The following AGRN variants were observed in gnomAD, a reference collection of about 807,000 sequenced individuals.
AGRN encodes the protein agrin proteoglycan.
Under a neutral mutation model 211.0 loss-of-function variants are expected in AGRN, and 106 were observed. That is an observed-to-expected ratio of 0.50 (90% CI 0.43 to 0.59). The LOEUF is 0.59. AGRN is among the 20% of genes least tolerant of loss of function. AGRN has a pLI of 0.00. For synonymous variants in AGRN, 1,525 were observed against 1,332.5 expected (o/e 1.14, Z -3.15); for missense variants, 3,040 against 2,982.6 (o/e 1.02, Z -0.45).
chr1:1,047,285 CA>C (rs756257478), intron 19 of AGRN, 41 bp from the exon 20 acceptor site: 1 of 1,560,976 alleles, frequency 6.4e-7, no homozygotes, highest in Admixed American at 2.0e-5. Context: ...GCCTGGATGC[CA>C]GGCAGATGCC....
chr1:1,033,583 C>T (rs1162190216), intron 2 of AGRN, among the ~76,000 whole-genome samples: 1 of 148,888 alleles, frequency 6.7e-6, no homozygotes, highest in Non-Finnish European at 1.5e-5. Context: ...CCCACCGCTG[C>T]CCTCGACTCA....
chr1:1,046,497 C>G lies in AGRN; in HGVS notation c.3012C>G (p.Leu1004=), dbSNP rs749392554. 1 of 1,610,034 alleles carries G rather than the reference C, an allele frequency of 6.2e-7. No homozygotes were observed. The highest frequency in any genetic ancestry group is 8.5e-7 in the Non-Finnish European group (1 of 1,178,124). ...SQALPAPPGA[L]PLAPSSTAHS... is the part of the protein sequence containing the mutation. ...CACTGCCGGCCCCCCCCGGCGCCCT[C>G]CCCCTGGCTCCCAGCAGTACCGCAC... is the stretch of plus-strand genomic sequence containing the variant. The change falls in exon 18 of 36, where the codon CTC becomes CTG. Residue 1004 remains leucine (L), a synonymous_variant. Coordinates refer to ENST00000379370, the MANE Select transcript of AGRN (RefSeq NM_198576.4).
chr1:1,050,164 C>G, intron 27 of AGRN, 69 bp from the exon 28 acceptor site: 1 of 1,598,386 alleles, frequency 6.3e-7, no homozygotes, highest in African/African-American at 1.3e-5. Flanking sequence ...TTAGGATCCA[C>G]ACACGGCTGG....
chr1:1,028,235 CG>C (rs1436491137), intron 2 of AGRN, among the ~76,000 whole-genome samples: 1 of 151,752 alleles, frequency 6.6e-6, no homozygotes, highest in Non-Finnish European at 1.5e-5. Context: ...CGTCAGCTGC[CG>C]TGACCCCACA....
intron 2 of AGRN, among the ~76,000 whole-genome samples, chr1:1,028,108 C>T (rs1397442558): frequency 2.0e-5 from 3 of 152,122 alleles, no homozygotes; most frequent in Non-Finnish European, 2.9e-5. Context: ...GGCACCTCCA[C>T]GGGGCTTCCC....
intron 1 of AGRN, among the ~76,000 whole-genome samples, chr1:1,021,663 G>A (rs1002007003): frequency 1.3e-5 from 2 of 152,244 alleles, no homozygotes; most frequent in African/African-American, 2.4e-5. Flanking sequence ...AGAAGGTGGA[G>A]GGTGGGGCAC....
chr1:1,046,074 G>A lies in AGRN; in HGVS notation c.2791G>A (p.Ala931Thr), dbSNP rs1332038099. 2 of 1,614,032 alleles carry A rather than the reference G, an allele frequency of 1.2e-6. No individual in the cohort carries two copies. Among genetic ancestry groups the A allele is most frequent in the South Asian group, 1.1e-5 (1 of 91,088 alleles). The change falls in exon 16 of 36, where the codon GCC (alanine) becomes ACC (threonine). Residue 931 changes from alanine to threonine, a missense_variant. Transcript: ENST00000379370. Reference sequence around the variant, plus strand: ...CTGCCCGATGCTCACCTGTCCAGAGGCCAACGCTACCAAGGTGAGGGGTGT... The same window carrying A: ...CTGCCCGATGCTCACCTGTCCAGAGACCAACGCTACCAAGGTGAGGGGTGT... ...CVCPMLTCPE[A>T]NATKVCGSDG... is the part of the protein sequence containing the mutation.
At chr1:1,022,484 T>A (rs1644428283) in intron 2 of AGRN, 22 bp downstream of exon 2, 1 of 1,583,764 alleles carries the variant, frequency 6.3e-7, no homozygotes, top group South Asian at 1.1e-5. Flanking sequence ...GGGGCTCGTG[T>A]GGGGGCCTGT....
Position 1,043,725 on chromosome 1 carries a change from A to C in AGRN, c.1791A>C (p.Gly597=). 1 of 1,601,024 alleles carries C rather than the reference A, an allele frequency of 6.2e-7. No homozygotes were observed. The highest frequency in any genetic ancestry group is 8.5e-7 in the Non-Finnish European group (1 of 1,179,732). Residue 597 remains glycine, a synonymous_variant, in exon 9 of 36, where the codon GGA becomes GGC. Transcript: ENST00000379370. ...HQISLHVASA[G]PCETCGDAVC... is the part of the protein sequence containing the mutation. ...TCAGCCTGCACGTGGCCTCAGCTGG[A>C]CCCTGTGGTGAGTGAGGCCCTGGGG...
intron 3 of AGRN, among the ~76,000 whole-genome samples, chr1:1,039,929 T>C (rs958053585): frequency 2.6e-5 from 4 of 151,774 alleles, no homozygotes; most frequent in Non-Finnish European, 4.4e-5. Context: ...TAGGAGATAG[T>C]AGAGGCGGAG....
chr1:1,050,693 A>G lies in AGRN; in HGVS notation c.5142-33A>G, dbSNP rs201800114. The stretch of plus-strand genomic sequence containing the variant: ...TGGGTGGTCGCGTGGCCGGTGGTGG[A>G]CAGAGCCCACTCACGCTGCCCCTCC... On this transcript the variant is annotated intron_variant, in intron 29 of 35. Coordinates refer to ENST00000379370, the MANE Select transcript of AGRN (RefSeq NM_198576.4). The G allele has an allele frequency of 7.2e-5, 116 of 1,600,914 alleles. No individual in the cohort carries two copies. In the East Asian group the frequency reaches 2.5e-3, roughly 35 times the overall value.
chr1:1,048,379 C>T lies in AGRN; in HGVS notation c.4105+14C>T. 1 of 1,427,746 alleles carries T rather than the reference C, an allele frequency of 7.0e-7. No individual in the cohort carries two copies. The highest frequency in any genetic ancestry group is 1.5e-5 in the South Asian group (1 of 67,532). The allele number at this position is 1,427,746 out of a possible 1,614,324, so 88.4% of individuals were successfully genotyped here. On this transcript the variant is annotated intron_variant, in intron 23 of 35. Transcript: ENST00000379370. This position sits in a 1 kb window ranked among gnomAD's most constrained non-coding sequence, Gnocchi z 5.9. Reference sequence around the variant, plus strand: ...TCTGTGAGAAGGGTAAGGATGTCCACTGCAGAGGAGGGCGGGGAGGCAGCA... The same window carrying T: ...TCTGTGAGAAGGGTAAGGATGTCCATTGCAGAGGAGGGCGGGGAGGCAGCA...
Position 1,032,353 on chromosome 1 carries a change from C to T in AGRN, c.464-2924C>T, listed in dbSNP as rs1308360527. Among the ~76,000 whole-genome samples, 1 of 152,148 alleles carries T rather than the reference C, an allele frequency of 6.6e-6. No homozygotes were observed. Among genetic ancestry groups the T allele is most frequent in the Non-Finnish European group, 1.5e-5 (1 of 68,012 alleles). On this transcript the variant is annotated intron_variant, in intron 2 of 35. Coordinates refer to ENST00000379370, the MANE Select transcript of AGRN (RefSeq NM_198576.4). This position sits in a 1 kb window ranked among gnomAD's most constrained non-coding sequence, Gnocchi z 4.7. ...AAGGAGTCCCAAGAGAGGGAGCTGG[C>T]AAGACAGGACCTTCCCAGCTAAGGT...
chr1:1,022,844 C>T (rs1043797274), intron 2 of AGRN, among the ~76,000 whole-genome samples: 2 of 152,246 alleles, frequency 1.3e-5, no homozygotes, highest in African/African-American at 2.4e-5. Context: ...GACGGGCCCG[C>T]GTGTCGAGCA....
Position 1,051,307 on chromosome 1 carries a change from G to C in AGRN, c.5308G>C (p.Asp1770His), listed in dbSNP as rs141464249. 6.4e-7 allele frequency: 1 copy of C among 1,572,180 alleles called. No individual in the cohort carries two copies. The change falls in exon 31 of 36, where the codon GAC becomes CAC. Residue 1770 changes from aspartate (D) to histidine (H), a missense_variant. Asp to His is a moderately conservative substitution (Grantham distance 81). Around this residue, in one of 3 missense-constraint regions of AGRN, gnomAD observed 1,537 missense variants for 1,505.0 expected, o/e 1.02. Transcript: ENST00000379370. ...GCCGCTCTACGTAGGGGGCGCTCCC[G>C]ACTTCAGCAAGCTGGCCCGTGCTGC... is the stretch of plus-strand genomic sequence containing the variant. Reference protein sequence around the residue: ...KEPLYVGGAPDFSKLARAAAV... With the variant: ...KEPLYVGGAPHFSKLARAAAV...
In AGRN at chr1:1,041,159, A is replaced by C. The variant is rs1644923564; in HGVS notation, c.728-14A>C. On this transcript the variant is annotated splice_polypyrimidine_tract_variant and intron_variant, in intron 4 of 35. Transcript: ENST00000379370. ...CGGGGGCGGCCCGTCTGACCGGCAAAGCCCCGCCCGCAGGCTCGCGGGACC... is the reference window on the plus strand; with the variant it reads ...CGGGGGCGGCCCGTCTGACCGGCAACGCCCCGCCCGCAGGCTCGCGGGACC... The C allele has an allele frequency of 7.2e-7, 1 of 1,380,984 alleles. No individual in the cohort carries two copies. Among genetic ancestry groups the C allele is most frequent in the African/African-American group, 1.5e-5 (1 of 65,164 alleles). The allele number at this position is 1,380,984 out of a possible 1,614,324, so 85.5% of individuals were successfully genotyped here. A position where few individuals can be genotyped will look rare whatever the true frequency, so the allele number is the denominator to read the frequency against.
chr1:1,045,060 G>A lies in AGRN; in HGVS notation c.2255-101G>A, dbSNP rs112752525. Reference sequence around the variant, plus strand: ...CTCCTCTGGGAGCTGGGATCGGGACGGCTGAGTGGTGACAGTGGGGGTAGG... The same window carrying A: ...CTCCTCTGGGAGCTGGGATCGGGACAGCTGAGTGGTGACAGTGGGGGTAGG... On this transcript the variant is annotated intron_variant, in intron 12 of 35. Coordinates refer to ENST00000379370, the MANE Select transcript of AGRN (RefSeq NM_198576.4). The A allele has an allele frequency of 2.2e-3, 2,914 of 1,320,930 alleles. 50 individuals carry two copies. In the African/African-American group the frequency reaches 0.036, roughly 16 times the overall value. 81.8% of individuals were successfully genotyped at this position (1,320,930 alleles called of 1,614,324 possible). A position where few individuals can be genotyped will look rare whatever the true frequency, so the allele number is the denominator to read the frequency against.
Position 1,045,405 on chromosome 1 carries a change from C to T in AGRN, c.2418C>T (p.Asp806=), listed in dbSNP as rs1229659029. 2.5e-6 allele frequency: 4 copies of T among 1,611,856 alleles called. No individual in the cohort carries two copies. The highest frequency in any genetic ancestry group is 3.4e-6 in the Non-Finnish European group (4 of 1,179,836). The part of the protein sequence containing the change: ...NPHGSYGGTC[D]PATGQCSCRP... ...ATGGCTCTTACGGCGGCACCTGTGA[C>T]CCAGCCACAGGCCAGTGCTCCTGCC... Residue 806 remains aspartate (D), a synonymous_variant, in exon 14 of 36, where the codon GAC becomes GAT. Transcript: ENST00000379370.
Position 1,048,236 on chromosome 1 carries a change from C to T in AGRN, c.3976C>T (p.Pro1326Ser). 1.3e-6 allele frequency: 2 copies of T among 1,545,174 alleles called. No individual in the cohort carries two copies. The highest frequency in any genetic ancestry group is 1.7e-6 in the Non-Finnish European group (2 of 1,144,266). The stretch of plus-strand genomic sequence containing the variant: ...TGTGCCCGGACGTCGGCCCCCGGCC[C>T]CCCAGCAGCCTCCAAAGCCCTGTGA... ...SRVPGRRPPA[P>S]QQPPKPCDSQ... is the part of the protein sequence containing the mutation. Residue 1326 changes from proline (P) to serine (S), a missense_variant, in exon 23 of 36, where the codon CCC becomes TCC. Coordinates refer to ENST00000379370, the MANE Select transcript of AGRN (RefSeq NM_198576.4). This position sits in a 1 kb window ranked among gnomAD's most constrained non-coding sequence, Gnocchi z 5.9.
Sources: allele counts gnomAD v4.1 joint callset (sites outside exome capture counted in the v4.1 genomes callset), GRCh38; gene constraint gnomAD v4.1.1; regional missense constraint gnomAD v4.1.1; non-coding constraint Gnocchi (gnomAD v3.1); transcripts MANE v1.5; gene names NCBI Gene and HGNC (gene_info 2026-07-23, HGNC 2026-07-21).